Variants in NELL1 observed in about 807,000 individuals in gnomAD.
The protein encoded by NELL1 is protein kinase C-binding protein NELL1.
A neutral mutation model predicts 107.4 loss-of-function variants in NELL1; 76 were observed. The ratio of observed to expected loss-of-function variants is 0.71; its 90% CI spans 0.59 to 0.86. The LOEUF (loss-of-function observed/expected upper bound fraction) is 0.86. Among genes scored for constraint, NELL1 ranks in the 40% least tolerant of loss-of-function variants. NELL1 has a pLI of 0.00. For synonymous variants in NELL1, 353 were observed against 341.2 expected (o/e 1.03, Z -0.38); for missense variants, 1,024 against 1,005.5 (o/e 1.02, Z -0.25).
intron 3 of NELL1, among the ~76,000 whole-genome samples, chr11:20,807,074 G>A (rs942162037): frequency 1.3e-5 from 2 of 151,246 alleles, no homozygotes; most frequent in African/African-American, 4.9e-5. Context: ...TTTTTGTTGG[G>A]GTCATGTTTT....
At chr11:21,349,935 T>C (rs1389524560) in intron 14 of NELL1, among the ~76,000 whole-genome samples, 1 of 152,164 alleles carries the variant, frequency 6.6e-6, no homozygotes, top group Non-Finnish European at 1.5e-5. Context: ...ATTGTAATCA[T>C]TTCAATTAAC....
At chr11:21,327,612 T>C (rs1265625191) in intron 14 of NELL1, among the ~76,000 whole-genome samples, 1 of 152,178 alleles carries the variant, frequency 6.6e-6, no homozygotes, top group Non-Finnish European at 1.5e-5. Context: ...ACTGGAAAGA[T>C]ACCCAAAAAT....
At chr11:21,352,085 A>G (rs1850831203) in intron 14 of NELL1, among the ~76,000 whole-genome samples, 1 of 151,838 alleles carries the variant, frequency 6.6e-6, no homozygotes, top group South Asian at 2.1e-4. Flanking sequence ...TGTCTAGAGT[A>G]CTCATCACCA....
chr11:21,165,288 G>A (rs879538895), intron 13 of NELL1, among the ~76,000 whole-genome samples: 5 of 152,114 alleles, frequency 3.3e-5, no homozygotes, highest in Admixed American at 1.3e-4. Context: ...TAGTAGAAAC[G>A]TCTATACCCT....
intron 2 of NELL1, among the ~76,000 whole-genome samples, chr11:20,683,319 C>A (rs1038801454): frequency 2.6e-5 from 4 of 151,786 alleles, no homozygotes; most frequent in Non-Finnish European, 4.4e-5. Context: ...TTTTCCCCAA[C>A]TTTTGTTTTA....
chr11:20,970,412 G>A (rs1006512196), intron 12 of NELL1, among the ~76,000 whole-genome samples: 3 of 151,790 alleles, frequency 2.0e-5, no homozygotes, highest in Non-Finnish European at 4.4e-5. Context: ...GCCATAGATC[G>A]TATCCTCAAG....
At chr11:21,298,507 C>A (rs1372628381) in intron 14 of NELL1, among the ~76,000 whole-genome samples, 5 of 151,930 alleles carry the variant, frequency 3.3e-5, no homozygotes, top group African/African-American at 1.2e-4. Context: ...AGTAGTAGGT[C>A]TGAGAATTGA....
intron 12 of NELL1, among the ~76,000 whole-genome samples, chr11:20,975,836 T>C (rs1851606070): frequency 7.9e-6 from 1 of 127,190 alleles, no homozygotes; most frequent in Non-Finnish European, 1.6e-5. Flanking sequence ...TATATGTACA[T>C]ATGTGTATTA....
intron 13 of NELL1, among the ~76,000 whole-genome samples, chr11:21,127,243 T>C (rs1295629324): frequency 6.6e-6 from 1 of 152,134 alleles, no homozygotes; most frequent in Admixed American, 6.5e-5. Flanking sequence ...AAAAAGGGTT[T>C]TTCTAGTTAT....
intron 3 of NELL1, among the ~76,000 whole-genome samples, chr11:20,809,335 CATATCA>C (rs1857451022): frequency 6.6e-6 from 1 of 152,144 alleles, no homozygotes; most frequent in Non-Finnish European, 1.5e-5. Flanking sequence ...GGGTGATTAG[CATATCA>C]ATCATCTTAA....
chr11:21,262,358 A>T (rs901563706), intron 14 of NELL1, among the ~76,000 whole-genome samples: 3 of 151,618 alleles, frequency 2.0e-5, no homozygotes, highest in Admixed American at 2.0e-4. Context: ...TACTTTTCTT[A>T]GTTGACCGCT....
chr11:21,226,662 T>C (rs1857900523), intron 13 of NELL1, among the ~76,000 whole-genome samples: 1 of 152,172 alleles, frequency 6.6e-6, no homozygotes, highest in South Asian at 2.1e-4. Context: ...ACAATTCCTC[T>C]CCTCAAAGTC....
intron 12 of NELL1, among the ~76,000 whole-genome samples, chr11:20,992,709 A>ATTTT (rs56048576): frequency 0.074 from 8,517 of 114,324 alleles, 552 homozygotes; most frequent in East Asian, 0.26. Context: ...CAAAAGTGGC[A>ATTTT]TTTTTTTTTT....
At chr11:21,556,946 G>T (rs1381310529) in intron 16 of NELL1, among the ~76,000 whole-genome samples, 1 of 151,892 alleles carries the variant, frequency 6.6e-6, no homozygotes, top group Non-Finnish European at 1.5e-5. Context: ...TGGGAGGCCT[G>T]TCTGATGATT....
At chr11:21,274,510 G>A (rs185756824) in intron 14 of NELL1, among the ~76,000 whole-genome samples, 176 of 152,220 alleles carry the variant, frequency 1.2e-3, no homozygotes, top group African/African-American at 4.2e-3. Flanking sequence ...AATTAACAAC[G>A]ATATCCACGA....
chr11:20,806,368 C>T (rs761438739), intron 3 of NELL1, among the ~76,000 whole-genome samples: 4 of 152,122 alleles, frequency 2.6e-5, no homozygotes, highest in South Asian at 2.1e-4. Context: ...ACTTCTGTCT[C>T]GTGGCCAGTA....
intron 4 of NELL1, among the ~76,000 whole-genome samples, chr11:20,850,318 C>T (rs550992602): frequency 9.2e-5 from 14 of 152,144 alleles, no homozygotes; most frequent in Admixed American, 7.2e-4. Flanking sequence ...TTTTTTGATC[C>T]CTGTTACTCT....
At chr11:21,565,233 A>G (rs757094367) in intron 17 of NELL1, among the ~76,000 whole-genome samples, 1 of 151,908 alleles carries the variant, frequency 6.6e-6, no homozygotes, top group Admixed American at 6.6e-5. Context: ...AGAGGAACTT[A>G]TTGGTAGGTT....
intron 12 of NELL1, among the ~76,000 whole-genome samples, chr11:21,026,273 C>T (rs1324537093): frequency 6.6e-6 from 1 of 152,166 alleles, no homozygotes; most frequent in African/African-American, 2.4e-5. Context: ...CCTTACCTCC[C>T]TGATCCTGTC....
Sources: gnomAD v4.1 joint callset for allele counts (sites outside exome capture counted in the v4.1 genomes callset) on GRCh38, gnomAD v4.1.1 for gene constraint, MANE v1.5 for transcripts, NCBI Gene and HGNC (gene_info 2026-07-23, HGNC 2026-07-21) for gene names.